COL25A1: variants seen among roughly 807,000 people sequenced by gnomAD.
COL25A1 encodes collagen alpha-1(XXV) chain.
Under a neutral mutation model 128.4 loss-of-function variants are expected in COL25A1, and 103 were observed. The ratio of observed to expected loss-of-function variants is 0.80; its 90% CI spans 0.68 to 0.94. COL25A1 has a LOEUF of 0.94. COL25A1 is among the 40% of genes least tolerant of loss of function. The probability of loss-of-function intolerance (pLI) is 0.00; values close to 1 mark genes in which losing one functional copy is unlikely to be tolerated. For synonymous variants in COL25A1, 279 were observed against 277.2 expected (o/e 1.01, Z -0.06); for missense variants, 745 against 840.0 (o/e 0.89, Z 1.40).
chr4:109,084,428 T>C (rs1419901193), intron 3 of COL25A1, among the ~76,000 whole-genome samples: 1 of 152,106 alleles, frequency 6.6e-6, no homozygotes, highest in Admixed American at 6.5e-5. Flanking sequence ...GCTCTCAAAA[T>C]GAAAAAAATC....
intron 20 of COL25A1, among the ~76,000 whole-genome samples, chr4:108,867,557 CT>C (rs1165447114): frequency 6.6e-6 from 1 of 152,096 alleles, no homozygotes; most frequent in Admixed American, 6.6e-5. Context: ...TCAGTCCCCC[CT>C]AGGACACACA....
At chr4:108,979,231 G>T (rs755349141) in intron 6 of COL25A1, among the ~76,000 whole-genome samples, 1 of 152,120 alleles carries the variant, frequency 6.6e-6, no homozygotes, top group Non-Finnish European at 1.5e-5. Context: ...ACCAATTTAA[G>T]TCTCCTCAAA....
chr4:109,188,439 A>G (rs1186683219), intron 3 of COL25A1, among the ~76,000 whole-genome samples: 1 of 152,172 alleles, frequency 6.6e-6, no homozygotes, highest in Non-Finnish European at 1.5e-5. Flanking sequence ...TTTCATATTC[A>G]GAGTATCAGA....
At chr4:109,259,422 A>G (rs2126253589) in intron 3 of COL25A1, among the ~76,000 whole-genome samples, 1 of 152,328 alleles carries the variant, frequency 6.6e-6, no homozygotes. Context: ...TCACTAGAAA[A>G]ATGGGATTTC....
At chr4:109,017,155 C>T (rs1279464381) in intron 5 of COL25A1, among the ~76,000 whole-genome samples, 1 of 152,224 alleles carries the variant, frequency 6.6e-6, no homozygotes, top group African/African-American at 2.4e-5. Flanking sequence ...ACTTGCAGTG[C>T]ATCTTATCCA....
intron 29 of COL25A1, among the ~76,000 whole-genome samples, chr4:108,844,880 A>T (rs1016990272): frequency 1.6e-4 from 25 of 152,358 alleles, no homozygotes; most frequent in Middle Eastern, 3.4e-3. Context: ...AAGCATAAGC[A>T]GGGCTCTGGA....
rs60370461 is a variant in COL25A1 at position 108,949,537 on chromosome 4, CTT to C, written c.493-8102_493-8101del. Reference sequence around the variant, plus strand: ...ACCAGCATATTTTCCATAAATTTTTCTTTTTTTTTTTTTTGAGACTGAGTCTC... The same window carrying C: ...ACCAGCATATTTTCCATAAATTTTTCTTTTTTTTTTTTGAGACTGAGTCTC... On this transcript the variant is annotated intron_variant, in intron 8 of 37. Coordinates refer to ENST00000399132, the MANE Select transcript of COL25A1 (RefSeq NM_198721.4). 4.4e-4 allele frequency among the ~76,000 whole-genome samples: 62 copies of C among 142,470 alleles called. No homozygotes were observed. The South Asian group carries it at 9.9e-3, about 23-fold the overall frequency. The allele number at this position is 142,470 out of a possible 152,430, so 93.5% of individuals were successfully genotyped here. A position where few individuals can be genotyped will look rare whatever the true frequency, so the allele number is the denominator to read the frequency against.
chr4:108,893,940 C>T (rs17039492), intron 16 of COL25A1, among the ~76,000 whole-genome samples: 439 of 152,206 alleles, frequency 2.9e-3, no homozygotes, highest in African/African-American at 9.9e-3. Flanking sequence ...CCTGTTTAGA[C>T]CCATTGAAGG....
intron 3 of COL25A1, among the ~76,000 whole-genome samples, chr4:109,073,420 C>T (rs1763141723): frequency 6.6e-6 from 1 of 152,214 alleles, no homozygotes; most frequent in African/African-American, 2.4e-5. Flanking sequence ...CATGTTCATC[C>T]TTTGAGCTGG....
intron 3 of COL25A1, among the ~76,000 whole-genome samples, chr4:109,179,473 T>A (rs1033171713): frequency 1.3e-5 from 2 of 152,238 alleles, no homozygotes; most frequent in African/African-American, 4.8e-5. Context: ...TTTTTTTGGA[T>A]TTCAGAAACC....
At chr4:109,238,513 G>A (rs1169776111) in intron 3 of COL25A1, among the ~76,000 whole-genome samples, 2 of 152,062 alleles carry the variant, frequency 1.3e-5, no homozygotes, top group Non-Finnish European at 2.9e-5. Context: ...CTGTAGACTA[G>A]TATTAATGAA....
Position 108,918,153 on chromosome 4 carries a change from A to G in COL25A1, c.780+19T>C. ...GCTCACCAAATTATTTTTAAAATAC[A>G]ATATTCTATAGAACTCACCTTTTGC... On this transcript the variant is annotated intron_variant, in intron 13 of 37. Transcript: ENST00000399132. The G allele has an allele frequency of 6.5e-7, 1 of 1,526,864 alleles. No individual in the cohort carries two copies. Among genetic ancestry groups the G allele is most frequent in the Non-Finnish European group, 8.9e-7 (1 of 1,120,004 alleles). 94.6% of individuals were successfully genotyped at this position (1,526,864 alleles called of 1,614,324 possible). A position where few individuals can be genotyped will look rare whatever the true frequency, so the allele number is the denominator to read the frequency against.
At chr4:109,271,357 T>G (rs1782188070) in intron 3 of COL25A1, among the ~76,000 whole-genome samples, 2 of 152,346 alleles carry the variant, frequency 1.3e-5, no homozygotes, top group South Asian at 4.1e-4. Flanking sequence ...CTGAAAACTA[T>G]ATTACATATT....
chr4:108,972,252 G>A (rs1047872569), intron 8 of COL25A1, among the ~76,000 whole-genome samples: 1 of 152,114 alleles, frequency 6.6e-6, no homozygotes, highest in African/African-American at 2.4e-5. Context: ...AAAATGGACA[G>A]GGTATTGGAA....
intron 30 of COL25A1, among the ~76,000 whole-genome samples, chr4:108,843,463 T>C (rs1203309679): frequency 5.3e-5 from 8 of 151,954 alleles, no homozygotes; most frequent in Non-Finnish European, 1.0e-4. Flanking sequence ...TCAAAAGCAT[T>C]TGAAGCATTC....
intron 6 of COL25A1, among the ~76,000 whole-genome samples, chr4:108,995,759 C>G (rs1352851927): frequency 6.6e-6 from 1 of 152,184 alleles, no homozygotes; most frequent in Non-Finnish European, 1.5e-5. Flanking sequence ...ATCAGACTAA[C>G]AGTGGATCTC....
chr4:109,291,283 C>G (rs929322363), intron 3 of COL25A1, among the ~76,000 whole-genome samples: 3 of 152,228 alleles, frequency 2.0e-5, no homozygotes, highest in Non-Finnish European at 2.9e-5. Context: ...TTTATACTTT[C>G]TATGTGAAAT....
chr4:109,187,200 TACACACAC>T (rs36159924), intron 3 of COL25A1, among the ~76,000 whole-genome samples: 1,909 of 147,914 alleles, frequency 0.013, 26 homozygotes, highest in Non-Finnish European at 0.018. Context: ...TCTTGCTCTC[TACACACAC>T]ACACACACAC....
intron 5 of COL25A1, among the ~76,000 whole-genome samples, chr4:109,034,122 T>C (rs898844621): frequency 3.3e-5 from 5 of 152,156 alleles, no homozygotes; most frequent in African/African-American, 4.8e-5. Flanking sequence ...AACAAAAATG[T>C]AGTAGTATTG....
Sources: allele counts gnomAD v4.1 joint callset (sites outside exome capture counted in the v4.1 genomes callset), GRCh38; gene constraint gnomAD v4.1.1; transcripts MANE v1.5; gene names NCBI Gene and HGNC (gene_info 2026-07-23, HGNC 2026-07-21).